The following C12orf42 variants were observed in gnomAD, a reference collection of about 807,000 sequenced individuals.
C12orf42 encodes uncharacterized protein C12orf42.
C12orf42 carries 25 observed loss-of-function variants against 21.6 expected under a neutral mutation model. That is an observed-to-expected ratio of 1.16 (90% CI 0.84 to 1.62). C12orf42 has a LOEUF of 1.62. Among genes scored for constraint, C12orf42 ranks in the 40% most tolerant of loss-of-function variants. C12orf42 has a pLI of 0.00. For missense variants in C12orf42, 483 were observed against 459.3 expected (o/e 1.05, Z -0.47); for synonymous variants, 174 against 175.0 (o/e 0.99, Z 0.05).
chr12:103,255,099 A>G (rs1485553772), intron 10 of C12orf42, among the ~76,000 whole-genome samples: 1 of 152,158 alleles, frequency 6.6e-6, no homozygotes, highest in Admixed American at 6.5e-5. Context: ...TGGGCCGGGC[A>G]TGATGGCTCA....
chr12:103,284,536 T>C (rs545844275), intron 4 of C12orf42, among the ~76,000 whole-genome samples: 2 of 152,306 alleles, frequency 1.3e-5, no homozygotes, highest in South Asian at 4.1e-4. Context: ...GACCACAAGA[T>C]AATTATTCTA....
chr12:103,071,358 C>T, the C12orf42 span, among the ~76,000 whole-genome samples: 1 of 152,222 alleles, frequency 6.6e-6, no homozygotes, highest in Admixed American at 6.5e-5. Context: ...GACTCTTTTT[C>T]TATTACTGCT....
At chr12:103,540,765 A>G in the C12orf42 span, among the ~76,000 whole-genome samples, 1 of 152,088 alleles carries the variant, frequency 6.6e-6, no homozygotes, top group Non-Finnish European at 1.5e-5. Context: ...AACATTTACC[A>G]CTTAATTTTC....
chr12:103,400,566 T>C (rs946485291), intron 3 of C12orf42, among the ~76,000 whole-genome samples: 5 of 152,220 alleles, frequency 3.3e-5, no homozygotes, highest in African/African-American at 4.8e-5. Context: ...CTTAGCTATA[T>C]TCCTCTGCTT....
At chr12:103,440,114 T>C (rs942692456) in intron 2 of C12orf42, among the ~76,000 whole-genome samples, 4 of 143,996 alleles carry the variant, frequency 2.8e-5, no homozygotes, top group Non-Finnish European at 6.1e-5. Flanking sequence ...TGTAGGGACA[T>C]GGATGAAATT....
At chr12:103,241,385 T>C (rs117549085) in intron 10 of C12orf42, among the ~76,000 whole-genome samples, 1 of 152,212 alleles carries the variant, frequency 6.6e-6, no homozygotes, top group East Asian at 1.9e-4. Flanking sequence ...GAAAGGTAAA[T>C]ACAACTGAAC....
At chr12:103,325,460 C>T (rs1194773843) in intron 4 of C12orf42, among the ~76,000 whole-genome samples, 1 of 152,210 alleles carries the variant, frequency 6.6e-6, no homozygotes, top group African/African-American at 2.4e-5. Flanking sequence ...TCCCAGACTG[C>T]TTTTGGCCAC....
chr12:103,480,054 A>G (rs947510791), intron 1 of C12orf42, among the ~76,000 whole-genome samples: 1 of 151,874 alleles, frequency 6.6e-6, no homozygotes. Flanking sequence ...ATTGGTAAAA[A>G]TCTCCTTATT....
At chr12:103,384,711 C>A (rs140313220) in intron 3 of C12orf42, among the ~76,000 whole-genome samples, 1 of 152,180 alleles carries the variant, frequency 6.6e-6, no homozygotes, top group Non-Finnish European at 1.5e-5. Flanking sequence ...AGGAATTACA[C>A]AGTTATCCCA....
chr12:103,551,016 T>A, the C12orf42 span, among the ~76,000 whole-genome samples: 1 of 152,084 alleles, frequency 6.6e-6, no homozygotes, highest in South Asian at 2.1e-4. Context: ...CAATTTGTTC[T>A]ATCACTTATA....
At chr12:103,222,048 G>C in the C12orf42 span, among the ~76,000 whole-genome samples, 1 of 152,098 alleles carries the variant, frequency 6.6e-6, no homozygotes, top group African/African-American at 2.4e-5. Context: ...CCATAGGAAG[G>C]GCAAGATGAG....
intron 2 of C12orf42, among the ~76,000 whole-genome samples, chr12:103,455,680 T>C (rs1013990559): frequency 8.5e-5 from 13 of 152,176 alleles, no homozygotes; most frequent in Admixed American, 6.6e-5. Context: ...CATCTTTTTG[T>C]CCTTTTCTCT....
At chr12:103,091,772 G>T in the C12orf42 span, among the ~76,000 whole-genome samples, 33 of 152,186 alleles carry the variant, frequency 2.2e-4, no homozygotes, top group African/African-American at 7.7e-4. Flanking sequence ...AACAATAATG[G>T]ATTTCATTTG....
intron 2 of C12orf42, among the ~76,000 whole-genome samples, chr12:103,462,330 C>T (rs1173346207): frequency 6.6e-6 from 1 of 151,504 alleles, no homozygotes; most frequent in Non-Finnish European, 1.5e-5. Flanking sequence ...AGGCTGGTCT[C>T]GAACCCCTGA....
chr12:103,427,390 A>G (rs896452149), intron 2 of C12orf42, among the ~76,000 whole-genome samples: 3 of 151,908 alleles, frequency 2.0e-5, no homozygotes, highest in East Asian at 1.9e-4. Context: ...GAAGGTCATT[A>G]TATCATGGTA....
chr12:103,353,289 T>TA (rs534030710), intron 4 of C12orf42, among the ~76,000 whole-genome samples: 77 of 127,202 alleles, frequency 6.1e-4, no homozygotes, highest in African/African-American at 1.2e-3. Context: ...TCCACTGGAT[T>TA]AAAAAAAAAA....
the C12orf42 span, among the ~76,000 whole-genome samples, chr12:103,053,542 T>A: frequency 5.3e-5 from 8 of 152,026 alleles, no homozygotes; most frequent in African/African-American, 1.7e-4. Context: ...TCTCCTGGTC[T>A]GTAGTTTAAG....
chr12:103,558,374 C>G, the C12orf42 span: 5 of 152,214 alleles, frequency 3.3e-5, no homozygotes, highest in African/African-American at 9.7e-5. Context: ...TCACTGTACC[C>G]TTCACTCACG....
chr12:103,250,077 A>G (rs1236902377), intron 10 of C12orf42, among the ~76,000 whole-genome samples: 3 of 142,990 alleles, frequency 2.1e-5, no homozygotes, highest in Non-Finnish European at 4.5e-5. Flanking sequence ...CTATCTATCT[A>G]TCTATCTATC....
Sources: gnomAD v4.1 joint callset for allele counts (sites outside exome capture counted in the v4.1 genomes callset) on GRCh38, gnomAD v4.1.1 for gene constraint, MANE v1.5 for transcripts, NCBI Gene and HGNC (gene_info 2026-07-23, HGNC 2026-07-21) for gene names.